Variants in BBS12 observed in about 807,000 individuals in gnomAD.
BBS12 encodes the protein chaperonin-containing T-complex member BBS12.
In BBS12, 5 loss-of-function variants were observed where a neutral mutation model predicts 5.6. That is an observed-to-expected ratio of 0.89 (90% confidence interval 0.46 to 1.86). BBS12 has a LOEUF of 1.86. Ranked by LOEUF, BBS12 falls within the 40% of genes most tolerant of loss-of-function variation. The pLI is 0.01. For synonymous variants in BBS12, 308 were observed against 306.8 expected (o/e 1.00, Z -0.04); for missense variants, 748 against 830.4 (o/e 0.90, Z 1.22).
intron 1 of BBS12, among the ~76,000 whole-genome samples, chr4:122,735,540 G>A (rs1037945021): frequency 1.3e-5 from 2 of 152,162 alleles, no homozygotes; most frequent in Non-Finnish European, 2.9e-5. Context: ...AACTAAGGCG[G>A]TGCCAAATAG....
Position 122,741,903 on chromosome 4 carries a change from C to T in BBS12, c.11C>T (p.Ala4Val). The T allele has an allele frequency of 6.2e-7, 1 of 1,614,042 alleles. No individual in the cohort carries two copies. Among genetic ancestry groups the T allele is most frequent in the South Asian group, 1.1e-5 (1 of 91,078 alleles). Residue 4 changes from alanine to valine, a missense_variant, in exon 2 of 2, where the codon GCT (alanine) becomes GTT (valine). Transcript: ENST00000314218. MVM[A>V]CRVVNKRRHM... ...TGCAGATCATGATACATGGTGATGGCTTGCAGAGTCGTAAACAAAAGAAGA... is the reference window on the plus strand; with the variant it reads ...TGCAGATCATGATACATGGTGATGGTTTGCAGAGTCGTAAACAAAAGAAGA...
At chr4:122,730,933 T>C (rs1800689195), upstream of BBS12, 2 of 152,358 alleles carry the variant, frequency 1.3e-5, no homozygotes, top group Admixed American at 1.3e-4. Context: ...CTTCAATATT[T>C]CTTCTTTTTC....
chr4:122,742,103 A>C lies in BBS12; in HGVS notation c.211A>C (p.Asn71His), dbSNP rs778171614. Reference sequence around the variant, plus strand: ...AACCAGTGCAGTGGGACAACTTCTCAATGAAGCAGTTCAAGCACAAAACAA... The same window carrying C: ...AACCAGTGCAGTGGGACAACTTCTCCATGAAGCAGTTCAAGCACAAAACAA... ...DLTSAVGQLL[N>H]EAVQAQNNTY... Residue 71 changes from asparagine (N) to histidine (H), a missense_variant, in exon 2 of 2, where the codon AAT (asparagine) becomes CAT (histidine). Coordinates refer to ENST00000314218, the MANE Select transcript of BBS12 (RefSeq NM_152618.3). The C allele has an allele frequency of 1.2e-6, 2 of 1,614,142 alleles. No homozygotes were observed. The highest frequency in any genetic ancestry group is 1.1e-5 in the South Asian group (1 of 91,084).
chr4:122,743,394 C>T lies in BBS12; in HGVS notation c.1502C>T (p.Thr501Met), dbSNP rs138011813. 52 of 1,614,176 alleles carry T rather than the reference C, an allele frequency of 3.2e-5. No homozygotes were observed. In the African/African-American group the frequency reaches 5.6e-4, roughly 17 times the overall value. ...LLKTEGINLV[T>M]AVLTNPVTAQ... ...AAAACAGAAGGAATTAATTTGGTTACGGCCGTGCTCACTAACCCAGTTACT... is the reference window on the plus strand; with the variant it reads ...AAAACAGAAGGAATTAATTTGGTTATGGCCGTGCTCACTAACCCAGTTACT... The change falls in exon 2 of 2, where the codon ACG becomes ATG. Residue 501 changes from threonine to methionine, a missense_variant. By Grantham distance (81) the Thr-to-Met change is moderately conservative (BLOSUM62 -1). Transcript: ENST00000314218.
the BBS12 span, among the ~76,000 whole-genome samples, chr4:122,716,666 CAT>C: frequency 4.6e-4 from 53 of 116,090 alleles, 1 homozygote; most frequent in African/African-American, 1.3e-3. Context: ...TGCACATACA[CAT>C]ATGTGTATAT....
chr4:122,722,243 T>C, the BBS12 span, among the ~76,000 whole-genome samples: 2 of 152,198 alleles, frequency 1.3e-5, no homozygotes, highest in African/African-American at 4.8e-5. Context: ...AGTATGGGCG[T>C]GTTTCAGGAC....
rs1010403072 is a variant in BBS12 at position 122,743,511 on chromosome 4, G to T, written c.1619G>T (p.Gly540Val). ...LKEEKVFLGGGAVEFLCLSCL... is the reference protein window; with the variant it reads ...LKEEKVFLGGVAVEFLCLSCL... The stretch of plus-strand genomic sequence containing the variant: ...GAGGAAAAGGTCTTCCTTGGAGGTG[G>T]TGCAGTTGAATTTTTGTGTCTTAGC... The change falls in exon 2 of 2, where the codon GGT becomes GTT. Residue 540 changes from glycine (G) to valine (V), a missense_variant. By Grantham distance (109) the Gly-to-Val change is moderately radical. Transcript: ENST00000314218. 44 of 1,614,212 alleles carry T rather than the reference G, an allele frequency of 2.7e-5. No individual in the cohort carries two copies. Among genetic ancestry groups the T allele is most frequent in the Non-Finnish European group, 3.6e-5 (43 of 1,180,036 alleles).
chr4:122,742,901 G>A lies in BBS12; in HGVS notation c.1009G>A (p.Val337Ile), dbSNP rs1800906327. The A allele has an allele frequency of 6.2e-7, 1 of 1,614,220 alleles. No homozygotes were observed. Among genetic ancestry groups the A allele is most frequent in the Non-Finnish European group, 8.5e-7 (1 of 1,180,040 alleles). The change falls in exon 2 of 2, where the codon GTT (valine) becomes ATT (isoleucine). Residue 337 changes from valine to isoleucine, a missense_variant. Coordinates refer to ENST00000314218, the MANE Select transcript of BBS12 (RefSeq NM_152618.3). The stretch of plus-strand genomic sequence containing the variant: ...TTGTGTTTGTCCAGGATATATCACT[G>A]TTGTGTCAGTATCTAATAATCCTGT... ...SSCVCPGYIT[V>I]VSVSNNPVIK...
chr4:122,711,164 T>C, the BBS12 span, among the ~76,000 whole-genome samples: 1 of 152,040 alleles, frequency 6.6e-6, no homozygotes, highest in Non-Finnish European at 1.5e-5. Context: ...CAGGGGCAAA[T>C]AAAACTTCTC....
At position 122,741,996 on chromosome 4, in the gene BBS12, C is replaced by G; in HGVS notation, c.104C>G (p.Ser35Ter). 6.2e-7 allele frequency: 1 copy of G among 1,613,450 alleles called. No individual in the cohort carries two copies. ...AGAACTTTCCTAGGCCCACTAAAAT[C>G]ATCCAAATTTATTATAGATGAAGAA... ...TGRTFLGPLK[S>*]SKFIIDEECH... The change falls in exon 2 of 2, where the codon TCA (serine) becomes TGA (stop). Residue 35 changes from serine (S) to a stop codon, truncating the protein, a stop_gained. Coordinates refer to ENST00000314218, the MANE Select transcript of BBS12 (RefSeq NM_152618.3). LOFTEE classifies it low-confidence loss of function (END_TRUNC).
chr4:122,741,875 G>T lies in BBS12; in HGVS notation c.-10-8G>T. The stretch of plus-strand genomic sequence containing the variant: ...GAATAAAGTTACAAGTTTTTATTTT[G>T]TTTGCAGATCATGATACATGGTGAT... On this transcript the variant is annotated splice_polypyrimidine_tract_variant and splice_region_variant and intron_variant, in intron 1 of 1. Transcript: ENST00000314218. The T allele has an allele frequency of 6.2e-7, 1 of 1,609,452 alleles. No individual in the cohort carries two copies.
At chr4:122,714,796 G>A in the BBS12 span, among the ~76,000 whole-genome samples, 1 of 151,888 alleles carries the variant, frequency 6.6e-6, no homozygotes, top group Non-Finnish European at 1.5e-5. Flanking sequence ...AGCTTTAAAA[G>A]AATGCTTATA....
At chr4:122,728,809 G>T (rs1375972682), upstream of BBS12, 3 of 152,208 alleles carry the variant, frequency 2.0e-5, no homozygotes, top group Non-Finnish European at 4.4e-5. Flanking sequence ...AATGAACCAG[G>T]TAGTGTCACT....
At chr4:122,706,955 CTGAGA>C in the BBS12 span, among the ~76,000 whole-genome samples, 44 of 151,520 alleles carry the variant, frequency 2.9e-4, no homozygotes, top group African/African-American at 1.0e-3. Flanking sequence ...CATTACCTTT[CTGAGA>C]TAATTCTGAG....
chr4:122,707,842 A>G, the BBS12 span, among the ~76,000 whole-genome samples: 1 of 152,122 alleles, frequency 6.6e-6, no homozygotes, highest in Non-Finnish European at 1.5e-5. Flanking sequence ...AGGGGAAAAC[A>G]CTAGGAGAAT....
chr4:122,720,887 T>A, the BBS12 span, among the ~76,000 whole-genome samples: 26 of 139,290 alleles, frequency 1.9e-4, no homozygotes, highest in African/African-American at 2.1e-4. Context: ...TCACTCAGAA[T>A]AAAAAAAAAA....
Position 122,734,777 on chromosome 4 carries a change from A to T in BBS12, c.-11+1893A>T, listed in dbSNP as rs568807631. 1.9e-4 allele frequency among the ~76,000 whole-genome samples: 29 copies of T among 152,288 alleles called. 1 individual carries two copies. The South Asian group carries it at 3.5e-3, about 19-fold the overall frequency. ...TTTGGAATATTTACTGCTAGTTAAA[A>T]TGTTTTTTTAATTGTAGGCTCAGAT... On this transcript the variant is annotated intron_variant, in intron 1 of 1. Transcript: ENST00000314218.
chr4:122,739,101 T>C (rs1412247079), intron 1 of BBS12, among the ~76,000 whole-genome samples: 1 of 152,192 alleles, frequency 6.6e-6, no homozygotes, highest in East Asian at 1.9e-4. Context: ...TAGGAGCAAC[T>C]AGAAGCTGGA....
chr4:122,724,813 G>T, the BBS12 span, among the ~76,000 whole-genome samples: 7 of 151,920 alleles, frequency 4.6e-5, no homozygotes, highest in Admixed American at 3.3e-4. Flanking sequence ...ATTTTAATTG[G>T]GTATACAAGA....
Sources: gnomAD v4.1 joint callset for allele counts (sites outside exome capture counted in the v4.1 genomes callset) on GRCh38, gnomAD v4.1.1 for gene constraint, MANE v1.5 for transcripts, NCBI Gene and HGNC (gene_info 2026-07-23, HGNC 2026-07-21) for gene names.